The following AGBL4 variants were observed in gnomAD, a reference collection of about 807,000 sequenced individuals.
The protein encoded by AGBL4 is cytosolic carboxypeptidase 6.
AGBL4 carries 58 observed loss-of-function variants against 66.4 expected under a neutral mutation model. The observed-to-expected ratio is 0.87, with a 90% CI of 0.71 to 1.09. The LOEUF is 1.09. Ranked by LOEUF, AGBL4 falls within the 50% of genes least tolerant of loss-of-function variation. The pLI, the probability that AGBL4 is intolerant of heterozygous loss-of-function variation, is 0.00. For synonymous variants in AGBL4, 234 were observed against 222.9 expected, an observed-to-expected ratio of 1.05 and a Z score of -0.44; for missense variants, 579 against 631.0, an observed-to-expected ratio of 0.92 and a Z score of 0.88.
chr1:49,868,697 A>C (rs1646766153), intron 1 of AGBL4, among the ~76,000 whole-genome samples: 1 of 152,214 alleles, frequency 6.6e-6, no homozygotes, highest in Non-Finnish European at 1.5e-5. Context: ...GCAGGAAAAA[A>C]GATTTCATGA....
At chr1:49,804,585 T>C (rs1644935843) in intron 2 of AGBL4, among the ~76,000 whole-genome samples, 2 of 152,336 alleles carry the variant, frequency 1.3e-5, no homozygotes, top group Admixed American at 1.3e-4. Flanking sequence ...TTTATTACTT[T>C]TGAAAACACT....
intron 5 of AGBL4, among the ~76,000 whole-genome samples, chr1:48,983,040 T>C (rs1169602690): frequency 1.3e-5 from 2 of 152,318 alleles, no homozygotes. Flanking sequence ...TGAGGTTTTT[T>C]AAAATTTTGA....
At chr1:49,912,987 A>G (rs1651008672) in intron 1 of AGBL4, among the ~76,000 whole-genome samples, 1 of 152,250 alleles carries the variant, frequency 6.6e-6, no homozygotes, top group African/African-American at 2.4e-5. Context: ...ACACTGTTAT[A>G]ACGACAATTA....
chr1:49,239,107 A>G (rs1651016682), intron 4 of AGBL4, among the ~76,000 whole-genome samples: 1 of 152,088 alleles, frequency 6.6e-6, no homozygotes, highest in Admixed American at 6.6e-5. Flanking sequence ...GTTTTTGAAA[A>G]CTTGATTTTA....
chr1:49,209,407 A>G (rs1261761743), intron 4 of AGBL4, among the ~76,000 whole-genome samples: 3 of 152,132 alleles, frequency 2.0e-5, no homozygotes, highest in Admixed American at 2.0e-4. Context: ...GGACCCAGAT[A>G]TAGATAACAC....
intron 2 of AGBL4, among the ~76,000 whole-genome samples, chr1:49,809,779 C>A (rs751713488): frequency 6.6e-6 from 1 of 152,122 alleles, no homozygotes; most frequent in Non-Finnish European, 1.5e-5. Context: ...AACAACCAGA[C>A]AAAATGCTGT....
At chr1:49,579,052 G>A (rs945321206) in intron 3 of AGBL4, among the ~76,000 whole-genome samples, 2 of 152,148 alleles carry the variant, frequency 1.3e-5, no homozygotes, top group African/African-American at 2.4e-5. Flanking sequence ...TAGCCTCCTA[G>A]CTAACATTTT....
At chr1:48,710,935 T>C (rs1463921516) in intron 6 of AGBL4, among the ~76,000 whole-genome samples, 1 of 149,998 alleles carries the variant, frequency 6.7e-6, no homozygotes, top group Non-Finnish European at 1.5e-5. Flanking sequence ...AGCTCAGACA[T>C]TACCTCCCCT....
intron 9 of AGBL4, among the ~76,000 whole-genome samples, chr1:48,618,673 C>A (rs1327044322): frequency 1.3e-5 from 2 of 152,144 alleles, no homozygotes; most frequent in Non-Finnish European, 1.5e-5. Context: ...TGGCAACAAC[C>A]TGTGGAGGAA....
chr1:48,816,267 G>T (rs926974948), intron 6 of AGBL4, among the ~76,000 whole-genome samples: 3 of 152,142 alleles, frequency 2.0e-5, no homozygotes, highest in Admixed American at 2.0e-4. Context: ...GAGGACTAAA[G>T]GTAACCTTTG....
At chr1:49,656,968 G>T (rs375482637) in intron 3 of AGBL4, among the ~76,000 whole-genome samples, 1 of 151,994 alleles carries the variant, frequency 6.6e-6, no homozygotes, top group Non-Finnish European at 1.5e-5. Context: ...GCCCTCTTTC[G>T]CCACTCCTAT....
At chr1:49,647,894 A>G (rs1645922076) in intron 3 of AGBL4, among the ~76,000 whole-genome samples, 2 of 151,620 alleles carry the variant, frequency 1.3e-5, no homozygotes, top group Non-Finnish European at 2.9e-5. Flanking sequence ...TTGTAGAACT[A>G]CAGAAGATGT....
chr1:48,814,886 T>C (rs1646138949), intron 6 of AGBL4, among the ~76,000 whole-genome samples: 2 of 152,174 alleles, frequency 1.3e-5, no homozygotes, highest in Admixed American at 6.6e-5. Flanking sequence ...CTTTTTGATA[T>C]ACTGATTTCC....
intron 1 of AGBL4, among the ~76,000 whole-genome samples, chr1:49,880,030 C>A (rs1449396508): frequency 1.3e-5 from 2 of 151,278 alleles, no homozygotes; most frequent in African/African-American, 2.4e-5. Flanking sequence ...TTAAGCACTT[C>A]TCTGTATTGG....
At chr1:48,621,172 A>G (rs1044690198) in intron 9 of AGBL4, among the ~76,000 whole-genome samples, 1 of 152,172 alleles carries the variant, frequency 6.6e-6, no homozygotes, top group Non-Finnish European at 1.5e-5. Context: ...TTCCTAGGAC[A>G]TTAGGAGCCT....
intron 1 of AGBL4, among the ~76,000 whole-genome samples, chr1:49,949,819 A>G (rs1655910384): frequency 6.6e-6 from 1 of 151,574 alleles, no homozygotes; most frequent in Admixed American, 6.6e-5. Context: ...CTAAAAGTAA[A>G]ACTACCATTT....
At chr1:48,816,797 C>A (rs528664288) in intron 6 of AGBL4, among the ~76,000 whole-genome samples, 1 of 152,116 alleles carries the variant, frequency 6.6e-6, no homozygotes, top group South Asian at 2.1e-4. Flanking sequence ...AAAGCGTCCA[C>A]AATCTAATGA....
At chr1:48,730,519 G>A (rs1647936434) in intron 6 of AGBL4, among the ~76,000 whole-genome samples, 1 of 152,168 alleles carries the variant, frequency 6.6e-6, no homozygotes, top group African/African-American at 2.4e-5. Flanking sequence ...GAGAAGGCAG[G>A]AGAGTGGGTG....
At chr1:48,735,369 C>T (rs1371050954) in intron 6 of AGBL4, among the ~76,000 whole-genome samples, 1 of 149,582 alleles carries the variant, frequency 6.7e-6, no homozygotes, top group Non-Finnish European at 1.5e-5. Context: ...GAGGGCCTGG[C>T]AAAGAATGGA....
Sources: allele counts gnomAD v4.1 joint callset (sites outside exome capture counted in the v4.1 genomes callset), GRCh38; gene constraint gnomAD v4.1.1; transcripts MANE v1.5; gene names NCBI Gene and HGNC (gene_info 2026-07-23, HGNC 2026-07-21).